SLC25A48: variants seen among roughly 807,000 people sequenced by gnomAD.
SLC25A48 encodes CTC-321K16.1.
In SLC25A48, 29 loss-of-function variants were observed where a neutral mutation model predicts 32.2. That is an observed-to-expected ratio of 0.90 (90% CI 0.67 to 1.23). The LOEUF (loss-of-function observed/expected upper bound fraction) is 1.23. Ranked by LOEUF, SLC25A48 falls within the 50% of genes most tolerant of loss-of-function variation. The pLI, the probability that SLC25A48 is intolerant of heterozygous loss-of-function variation, is 0.00. For missense variants in SLC25A48, 399 were observed against 422.7 expected (o/e 0.94, Z 0.49); for synonymous variants, 164 against 172.3 (o/e 0.95, Z 0.38).
intron 1 of SLC25A48, among the ~76,000 whole-genome samples, chr5:135,606,876 G>A (rs558515681): frequency 3.9e-5 from 6 of 152,212 alleles, no homozygotes; most frequent in Non-Finnish European, 7.3e-5. Context: ...GTTCAGAGGA[G>A]CAATAAAATG....
chr5:135,631,302 C>T (rs369219114), intron 2 of SLC25A48, among the ~76,000 whole-genome samples: 13 of 152,198 alleles, frequency 8.5e-5, no homozygotes, highest in African/African-American at 3.1e-4. Flanking sequence ...CTGCATTCCT[C>T]ATGGTGGGAT....
chr5:135,758,496 C>T (rs1258142997), intron 3 of SLC25A48, among the ~76,000 whole-genome samples: 3 of 150,804 alleles, frequency 2.0e-5, no homozygotes, highest in African/African-American at 7.2e-5. Context: ...AGTGTTAACA[C>T]ACTATGATAT....
intron 3 of SLC25A48, among the ~76,000 whole-genome samples, chr5:135,790,625 C>G (rs1757002264): frequency 6.6e-6 from 1 of 151,244 alleles, no homozygotes; most frequent in Non-Finnish European, 1.5e-5. Context: ...CGAGATGTTA[C>G]ATTTAATGTC....
chr5:135,680,037 C>T (rs1453999307), intron 3 of SLC25A48, among the ~76,000 whole-genome samples: 1 of 152,150 alleles, frequency 6.6e-6, no homozygotes, highest in East Asian at 1.9e-4. Flanking sequence ...CACTGGGTTG[C>T]CTCTCCAAGC....
chr5:135,869,180 T>C (rs1248192862), intron 4 of SLC25A48, among the ~76,000 whole-genome samples: 1 of 152,068 alleles, frequency 6.6e-6, no homozygotes, highest in Non-Finnish European at 1.5e-5. Context: ...AAATAAAAAG[T>C]TTTTTCAAAA....
chr5:135,781,545 C>T lies in SLC25A48; in HGVS notation c.-520-30978C>T, dbSNP rs573521478. ...TGATATTGTTCCTAATATCAAAAGG[C>T]GGAAGTATGATACTATTCCCAATAT... On this transcript the variant is annotated intron_variant, in intron 3 of 10. Transcript: ENST00000646290. Among the ~76,000 whole-genome samples, 11 of 116,634 alleles carry T rather than the reference C, an allele frequency of 9.4e-5. 2 individuals are homozygous for T. The highest frequency in any genetic ancestry group is 6.5e-4 in the East Asian group (3 of 4,588). The allele number at this position is 116,634 out of a possible 152,430, so 76.5% of individuals were successfully genotyped here. A position where few individuals can be genotyped will look rare whatever the true frequency, so the allele number is the denominator to read the frequency against.
intron 4 of SLC25A48, among the ~76,000 whole-genome samples, chr5:135,817,563 G>T (rs759349951): frequency 6.6e-6 from 1 of 152,124 alleles, no homozygotes; most frequent in Non-Finnish European, 1.5e-5. Context: ...AAATATAAAA[G>T]CTGAGGCTAT....
chr5:135,712,451 A>G (rs1333181442), intron 3 of SLC25A48, among the ~76,000 whole-genome samples: 1 of 152,292 alleles, frequency 6.6e-6, no homozygotes, highest in African/African-American at 2.4e-5. Flanking sequence ...CTTACAGTAG[A>G]CACTTTGGAG....
At chr5:135,838,783 T>G (rs111256891) in intron 1 of SLC25A48, among the ~76,000 whole-genome samples, 3 of 152,154 alleles carry the variant, frequency 2.0e-5, no homozygotes, top group African/African-American at 7.2e-5. Flanking sequence ...GGAACTGCCA[T>G]CTAGATTTCA....
chr5:135,656,753 T>C (rs753712702), intron 3 of SLC25A48, among the ~76,000 whole-genome samples: 2 of 151,988 alleles, frequency 1.3e-5, no homozygotes, highest in Non-Finnish European at 1.5e-5. Flanking sequence ...CATGTGATAA[T>C]AAAGGCAGAG....
intron 1 of SLC25A48, among the ~76,000 whole-genome samples, chr5:135,583,022 C>T (rs1423956523): frequency 6.6e-6 from 1 of 152,180 alleles, no homozygotes; most frequent in Non-Finnish European, 1.5e-5. Context: ...CTGTCTTGCT[C>T]ATCCTCAGTA....
intron 3 of SLC25A48, among the ~76,000 whole-genome samples, chr5:135,795,466 A>G (rs991859932): frequency 3.3e-5 from 5 of 151,772 alleles, no homozygotes; most frequent in African/African-American, 1.2e-4. Context: ...ATTACTCTCA[A>G]TGTCCCATGG....
intron 1 of SLC25A48, among the ~76,000 whole-genome samples, chr5:135,587,029 T>G (rs1286600194): frequency 2.0e-5 from 3 of 152,086 alleles, no homozygotes; most frequent in African/African-American, 4.8e-5. Flanking sequence ...TGTATTTTTT[T>G]TGTTTTGTTT....
intron 3 of SLC25A48, among the ~76,000 whole-genome samples, chr5:135,762,274 G>A (rs1210943067): frequency 6.6e-6 from 1 of 152,170 alleles, no homozygotes; most frequent in East Asian, 1.9e-4. Context: ...GATGCATGAG[G>A]TGCAGGGAGA....
intron 1 of SLC25A48, among the ~76,000 whole-genome samples, chr5:135,587,828 A>C (rs1327539917): frequency 2.0e-5 from 3 of 152,248 alleles, no homozygotes; most frequent in African/African-American, 7.2e-5. Flanking sequence ...TTTTAAGCAC[A>C]TAATGGAATC....
chr5:135,748,788 G>A (rs1755702007), intron 3 of SLC25A48, among the ~76,000 whole-genome samples: 1 of 138,260 alleles, frequency 7.2e-6, no homozygotes, highest in Non-Finnish European at 1.6e-5. Context: ...GCACGATACT[G>A]GCTCACTGCA....
chr5:135,676,351 A>G (rs1218359417), intron 3 of SLC25A48, among the ~76,000 whole-genome samples: 1 of 151,316 alleles, frequency 6.6e-6, no homozygotes, highest in Non-Finnish European at 1.5e-5. Flanking sequence ...TTCCGATTTT[A>G]TTTACTTGAG....
Position 135,852,592 on chromosome 5 carries a change from C to T in SLC25A48, c.192C>T (p.Phe64=). ...TCGGCTTCTTCAAGGGCATGTCCTT[C>T]CCCCTCGCCAGCATTGCCGTCTACA... is the stretch of plus-strand genomic sequence containing the variant. ...SMFGFFKGMS[F]PLASIAVYNS... Residue 64 remains phenylalanine, a synonymous_variant, in exon 4 of 8, where the codon TTC becomes TTT. Transcript: ENST00000681962. 6.2e-7 allele frequency: 1 copy of T among 1,601,510 alleles called. No homozygotes were observed.
intron 1 of SLC25A48, among the ~76,000 whole-genome samples, chr5:135,611,588 A>G (rs575374932): frequency 1.3e-5 from 2 of 151,334 alleles, no homozygotes; most frequent in East Asian, 1.9e-4. Flanking sequence ...GGCATGCACC[A>G]ATAATCCCAG....
Sources: gnomAD v4.1 joint callset for allele counts (sites outside exome capture counted in the v4.1 genomes callset) on GRCh38, gnomAD v4.1.1 for gene constraint, MANE v1.5 for transcripts, NCBI Gene and HGNC (gene_info 2026-07-23, HGNC 2026-07-21) for gene names.